The following EYS variants were observed in gnomAD, a reference collection of about 807,000 sequenced individuals.
The protein encoded by EYS is protein eyes shut homolog.
EYS carries 250 observed loss-of-function variants against 282.1 expected under a neutral mutation model. The ratio of observed to expected loss-of-function variants is 0.89; its 90% confidence interval spans 0.80 to 0.98. The LOEUF is 0.98. Among genes scored for constraint, EYS ranks in the 50% least tolerant of loss-of-function variants. The pLI, the probability that EYS is intolerant of heterozygous loss-of-function variation, is 0.00. For synonymous variants in EYS, 1,355 were observed against 1,282.9 expected (o/e 1.06, Z -1.20); for missense variants, 4,016 against 3,709.0 (o/e 1.08, Z -2.15).
chr6:64,459,628 A>T (rs1343787383), intron 26 of EYS, among the ~76,000 whole-genome samples: 1 of 152,150 alleles, frequency 6.6e-6, no homozygotes, highest in South Asian at 2.1e-4. Context: ...CACTGGTGTA[A>T]GTCCAAGAAT....
At chr6:64,427,014 C>T (rs945813439) in intron 28 of EYS, among the ~76,000 whole-genome samples, 1 of 151,894 alleles carries the variant, frequency 6.6e-6, no homozygotes, top group Non-Finnish European at 1.5e-5. Context: ...ATCATTGTTT[C>T]TCAGCTTTTT....
At chr6:65,493,062 C>T (rs1766106886) in intron 4 of EYS, among the ~76,000 whole-genome samples, 2 of 152,084 alleles carry the variant, frequency 1.3e-5, no homozygotes, top group Non-Finnish European at 2.9e-5. Flanking sequence ...ATTACAGGCA[C>T]CCGCCATTAT....
intron 36 of EYS, among the ~76,000 whole-genome samples, chr6:63,835,328 ACTCTCT>A (rs906843809): frequency 6.7e-6 from 1 of 149,294 alleles, no homozygotes; most frequent in Non-Finnish European, 1.5e-5. Flanking sequence ...ATACATATAT[ACTCTCT>A]CTCTATATAT....
chr6:63,885,916 T>A (rs1773251071), intron 35 of EYS, among the ~76,000 whole-genome samples: 2 of 152,220 alleles, frequency 1.3e-5, no homozygotes, highest in African/African-American at 4.8e-5. Flanking sequence ...GTGAATGGCA[T>A]GTAGTTAATA....
At chr6:64,400,180 G>A (rs1292665394) in intron 28 of EYS, 1 of 151,944 alleles carries the variant, frequency 6.6e-6, no homozygotes, top group Non-Finnish European at 1.5e-5. Context: ...TCTATTCATT[G>A]TCACAGAAGG....
At chr6:64,174,554 T>G (rs1353562266) in intron 31 of EYS, among the ~76,000 whole-genome samples, 1 of 151,690 alleles carries the variant, frequency 6.6e-6, no homozygotes, top group East Asian at 1.9e-4. Context: ...TTTATTCATA[T>G]GTTAAGGTTA....
At chr6:64,758,021 G>C (rs920650796) in intron 22 of EYS, among the ~76,000 whole-genome samples, 4 of 152,012 alleles carry the variant, frequency 2.6e-5, no homozygotes, top group Non-Finnish European at 5.9e-5. Context: ...TGATCTGCCC[G>C]CCTCGGCCTC....
At chr6:64,661,201 T>C (rs1769001438) in intron 22 of EYS, among the ~76,000 whole-genome samples, 1 of 152,148 alleles carries the variant, frequency 6.6e-6, no homozygotes, top group Admixed American at 6.5e-5. Context: ...AAGCTGAAAC[T>C]GGATCCTGTC....
chr6:64,801,736 A>T (rs542095154), intron 22 of EYS, among the ~76,000 whole-genome samples: 1 of 152,298 alleles, frequency 6.6e-6, no homozygotes, highest in South Asian at 2.1e-4. Context: ...AGACAAAATC[A>T]TACCATAATT....
At position 63,982,151 on chromosome 6, in the gene EYS, T is replaced by C. The variant is rs1011317669; in HGVS notation, c.7055+2232A>G. Among the ~76,000 whole-genome samples the C allele has an allele frequency of 2.6e-5, 4 of 151,878 alleles. No individual in the cohort carries two copies. The East Asian group carries it at 7.7e-4, about 29-fold the overall frequency. On this transcript the variant is annotated intron_variant, in intron 35 of 42. Coordinates refer to ENST00000503581, the MANE Select transcript of EYS (RefSeq NM_001142800.2). ...TAATGTCCTAAAATAAACCTTATCCTTACCTATTTCTCTGAGTTGGTAATG... is the reference window on the plus strand; with the variant it reads ...TAATGTCCTAAAATAAACCTTATCCCTACCTATTTCTCTGAGTTGGTAATG...
At chr6:64,403,328 T>C (rs1773597844) in intron 28 of EYS, among the ~76,000 whole-genome samples, 2 of 152,148 alleles carry the variant, frequency 1.3e-5, no homozygotes, top group Admixed American at 1.3e-4. Context: ...ATTTTATTTT[T>C]CTTAATCATT....
At chr6:65,567,610 T>C (rs1562263365) in intron 2 of EYS, among the ~76,000 whole-genome samples, 1 of 152,088 alleles carries the variant, frequency 6.6e-6, no homozygotes, top group Admixed American at 6.6e-5. Flanking sequence ...TTCTAGGAAA[T>C]GTATCATTAT....
intron 28 of EYS, among the ~76,000 whole-genome samples, chr6:64,398,569 C>G (rs1281935540): frequency 6.6e-6 from 1 of 151,682 alleles, no homozygotes; most frequent in Non-Finnish European, 1.5e-5. Flanking sequence ...TACACACATA[C>G]CACAAATATA....
Position 64,098,607 on chromosome 6 carries a change from T to C in EYS, c.6425-16605A>G, listed in dbSNP as rs983530065. Among the ~76,000 whole-genome samples, 24 of 150,608 alleles carry C rather than the reference T, an allele frequency of 1.6e-4. No individual in the cohort carries two copies. In the East Asian group the frequency reaches 2.5e-3, roughly 16 times the overall value. ...TTAGTAATGTTTTCTTTCTTTCTTT[T>C]TTTTTTTTTTTGAGACGGAGTCTTG... On this transcript the variant is annotated intron_variant, in intron 31 of 42. Transcript: ENST00000503581.
chr6:64,886,931 A>G (rs1285855042), intron 18 of EYS, 89 bp from the exon 19 acceptor site: 2 of 816,958 alleles, frequency 2.4e-6, no homozygotes, highest in Non-Finnish European at 3.6e-6. Context: ...TAAATTCAAG[A>G]CATTCAACTT....
At chr6:65,130,348 G>A (rs552735386) in intron 12 of EYS, among the ~76,000 whole-genome samples, 1 of 151,916 alleles carries the variant, frequency 6.6e-6, no homozygotes, top group South Asian at 2.1e-4. Context: ...AATAAAATTA[G>A]GAATAAATAT....
chr6:64,148,063 C>T (rs1188371613), intron 31 of EYS, among the ~76,000 whole-genome samples: 1 of 151,962 alleles, frequency 6.6e-6, no homozygotes, highest in East Asian at 1.9e-4. Flanking sequence ...TTGTTTCTTG[C>T]TTATGAATTT....
intron 31 of EYS, among the ~76,000 whole-genome samples, chr6:64,205,058 A>C (rs1025752863): frequency 6.6e-6 from 1 of 152,194 alleles, no homozygotes; most frequent in Non-Finnish European, 1.5e-5. Context: ...GGATTCTTTC[A>C]GCTCTTCTGT....
intron 26 of EYS, among the ~76,000 whole-genome samples, chr6:64,529,255 C>T (rs1764237478): frequency 6.6e-6 from 1 of 152,030 alleles, no homozygotes; most frequent in South Asian, 2.1e-4. Context: ...TCCAAGTATG[C>T]CACAACTCTC....
Sources: allele counts gnomAD v4.1 joint callset (sites outside exome capture counted in the v4.1 genomes callset), GRCh38; gene constraint gnomAD v4.1.1; transcripts MANE v1.5; gene names NCBI Gene and HGNC (gene_info 2026-07-23, HGNC 2026-07-21).